SUSD5: variants seen among roughly 807,000 people sequenced by gnomAD.
The protein encoded by SUSD5 is sushi domain containing 5, also known as sushi domain-containing protein 5.
A neutral mutation model predicts 29.5 loss-of-function variants in SUSD5; 33 were observed. That is an observed-to-expected ratio of 1.12 (90% CI 0.85 to 1.49). SUSD5 has a LOEUF of 1.49. Among genes scored for constraint, SUSD5 ranks in the 40% most tolerant of loss-of-function variants. SUSD5 has a pLI of 0.00. For synonymous variants in SUSD5, 308 were observed against 325.3 expected (o/e 0.95, Z 0.57); for missense variants, 776 against 800.6 (o/e 0.97, Z 0.37).
At chr3:33,194,659 A>G (rs141968371) in intron 3 of SUSD5, among the ~76,000 whole-genome samples, 8 of 152,270 alleles carry the variant, frequency 5.3e-5, no homozygotes, top group Non-Finnish European at 1.0e-4. Context: ...AGCCTTGGTG[A>G]CAGTAGTTCC....
intron 3 of SUSD5, among the ~76,000 whole-genome samples, chr3:33,206,447 GTGTGTA>G (rs758388796): frequency 2.5e-4 from 33 of 129,780 alleles, no homozygotes; most frequent in Middle Eastern, 3.9e-3. Flanking sequence ...GTGTGTGTGT[GTGTGTA>G]TGTGTTTTAA....
At chr3:33,182,369 T>C (rs1386969659) in intron 3 of SUSD5, among the ~76,000 whole-genome samples, 2 of 152,232 alleles carry the variant, frequency 1.3e-5, no homozygotes, top group African/African-American at 2.4e-5. Flanking sequence ...AAATGTTCCA[T>C]GTGAGCCTGA....
intron 3 of SUSD5, chr3:33,190,176 A>G (rs2031863037): frequency 6.5e-6 from 1 of 153,660 alleles, no homozygotes; most frequent in Non-Finnish European, 1.5e-5. Flanking sequence ...TATGGTACAC[A>G]TAAAAAAGTC....
In SUSD5 at chr3:33,163,814, A is replaced by G. The variant is rs556395897; in HGVS notation, c.599-9781T>C. Among the ~76,000 whole-genome samples the G allele has an allele frequency of 1.4e-3, 212 of 152,306 alleles. 1 individual carries two copies. The highest frequency in any genetic ancestry group is 4.8e-3 in the African/African-American group (201 of 41,572). ...AGATCGAGACCATCCTGGCTAACAC[A>G]GTGAAGCCCCATCTGTACTAAACAA... On this transcript the variant is annotated intron_variant, in intron 4 of 4. Transcript: ENST00000309558.
chr3:33,166,183 C>G (rs909012027), intron 4 of SUSD5, among the ~76,000 whole-genome samples: 6 of 152,190 alleles, frequency 3.9e-5, no homozygotes, highest in African/African-American at 1.4e-4. Flanking sequence ...GTGGCTAATA[C>G]AAGTACTTCT....
intron 4 of SUSD5, among the ~76,000 whole-genome samples, chr3:33,168,304 A>C (rs2031348937): frequency 6.6e-6 from 1 of 152,234 alleles, no homozygotes; most frequent in African/African-American, 2.4e-5. Flanking sequence ...TAAAAAAGAC[A>C]ACCAGACAAG....
intron 1 of SUSD5, 69 bp downstream of exon 1, chr3:33,218,617 G>A (rs976125633): frequency 1.1e-5 from 14 of 1,218,478 alleles, no homozygotes; most frequent in Middle Eastern, 6.2e-4. Flanking sequence ...GAGCAGCCCC[G>A]GCGAGCTACG....
At chr3:33,160,633 A>G (rs1228092563) in intron 4 of SUSD5, among the ~76,000 whole-genome samples, 1 of 152,210 alleles carries the variant, frequency 6.6e-6, no homozygotes, top group African/African-American at 2.4e-5. Flanking sequence ...AAGTGAGTGC[A>G]ATAAAACAAA....
chr3:33,216,638 A>T (rs1476230894), intron 1 of SUSD5, among the ~76,000 whole-genome samples: 1 of 152,202 alleles, frequency 6.6e-6, no homozygotes, highest in Admixed American at 6.5e-5. Flanking sequence ...CTGCCCACGC[A>T]CATGATTTCA....
At position 33,194,143 on chromosome 3, in the gene SUSD5, G is replaced by A. The variant is rs1026964463; in HGVS notation, c.409+13665C>T. ...ATCTGGTCTTGTGGCACCAACCCAG[G>A]AACTGACAGAGCAAGAGGACAGCTT... On this transcript the variant is annotated intron_variant, in intron 3 of 4. Coordinates refer to ENST00000309558, the MANE Select transcript of SUSD5 (RefSeq NM_015551.2). Among the ~76,000 whole-genome samples the A allele has an allele frequency of 2.6e-5, 4 of 152,164 alleles. No individual in the cohort carries two copies. In the East Asian group the frequency reaches 7.7e-4, roughly 29 times the overall value.
At position 33,160,614 on chromosome 3, in the gene SUSD5, TTAA is replaced by T. The variant is rs371560367; in HGVS notation, c.599-6584_599-6582del. Reference sequence around the variant, plus strand: ...AAAGGACTGTTTCACAACACAAAACTTAATAAGAAAGTGAGTGCAATAAAACAA... The same window carrying T: ...AAAGGACTGTTTCACAACACAAAACTTAAGAAAGTGAGTGCAATAAAACAA... On this transcript the variant is annotated intron_variant, in intron 4 of 4. Coordinates refer to ENST00000309558, the MANE Select transcript of SUSD5 (RefSeq NM_015551.2). Among the ~76,000 whole-genome samples the T allele has an allele frequency of 2.1e-4, 32 of 152,120 alleles. No individual in the cohort carries two copies. In the South Asian group the frequency reaches 4.4e-3, roughly 21 times the overall value.
chr3:33,152,494 A>G lies in SUSD5; in HGVS notation c.*248T>C. 1 of 471,054 alleles carries G rather than the reference A, an allele frequency of 2.1e-6. No individual in the cohort carries two copies. 29.2% of individuals were successfully genotyped at this position (471,054 alleles called of 1,614,324 possible). On this transcript the variant is annotated 3_prime_UTR_variant, in exon 5 of 5. Transcript: ENST00000309558. ...CACACTGGAAACAGGGCCCAAGCAC[A>G]GGTCTGGGATTAGTGTAGTCAATTC...
At chr3:33,168,912 AGT>A in intron 4 of SUSD5, among the ~76,000 whole-genome samples, 1 of 152,334 alleles carries the variant, frequency 6.6e-6, no homozygotes, top group Admixed American at 6.5e-5. Flanking sequence ...GGCCTCCCAA[AGT>A]GCTGGGATTA....
rs752181695 is a variant in SUSD5 at position 33,152,851 on chromosome 3, AT to A, written c.1780del (p.Met594TrpfsTer17). The part of the protein sequence containing the change: ...CLLLLLAGVG[M>X]VWGYRKCQHK... Reference sequence around the variant, plus strand: ...CTGGCACTTGCGGTAGCCCCACACCATCCCCACACCTGCCAGGAGCAGCAGT... The same window carrying A: ...CTGGCACTTGCGGTAGCCCCACACCACCCCACACCTGCCAGGAGCAGCAGT... On this transcript the variant is annotated frameshift_variant, in exon 5 of 5. Transcript: ENST00000309558. LOFTEE classifies it high-confidence loss of function. 1 of 1,613,948 alleles carries A rather than the reference AT, an allele frequency of 6.2e-7. No individual in the cohort carries two copies. Among genetic ancestry groups the A allele is most frequent in the South Asian group, 1.1e-5 (1 of 91,074 alleles).
At chr3:33,172,526 A>G (rs2031458383) in intron 4 of SUSD5, among the ~76,000 whole-genome samples, 1 of 152,202 alleles carries the variant, frequency 6.6e-6, no homozygotes, top group Non-Finnish European at 1.5e-5. Context: ...AAGGCGACAT[A>G]TTGGACCAAC....
chr3:33,218,757 C>G lies in SUSD5; in HGVS notation c.41G>C (p.Arg14Thr). ...EGPSPPARWH[R>T]RLPGLWAAAL... ...CGCCGCCCAGAGCCCGGGGAGGCGT[C>G]TGTGCCAACGGGCAGGCGGGCTGGG... is the stretch of plus-strand genomic sequence containing the variant. The change falls in exon 1 of 5, where the codon AGA (arginine) becomes ACA (threonine). Residue 14 changes from arginine (R) to threonine (T), a missense_variant. Physicochemically the swap from Arg to Thr is moderately conservative, Grantham distance 71. Coordinates refer to ENST00000309558, the MANE Select transcript of SUSD5 (RefSeq NM_015551.2). 1 of 1,411,996 alleles carries G rather than the reference C, an allele frequency of 7.1e-7. No homozygotes were observed. Among genetic ancestry groups the G allele is most frequent in the Non-Finnish European group, 9.2e-7 (1 of 1,090,414 alleles). 87.5% of individuals were successfully genotyped at this position (1,411,996 alleles called of 1,614,324 possible).
chr3:33,178,761 G>C (rs2031607474), intron 3 of SUSD5, among the ~76,000 whole-genome samples: 1 of 152,152 alleles, frequency 6.6e-6, no homozygotes, highest in African/African-American at 2.4e-5. Flanking sequence ...TTTTTGTAAT[G>C]TCTTTGTTTG....
chr3:33,217,908 T>C (rs531076834), intron 1 of SUSD5, among the ~76,000 whole-genome samples: 1 of 152,318 alleles, frequency 6.6e-6, no homozygotes, highest in East Asian at 1.9e-4. Context: ...CGGGATTTTG[T>C]TCTAATATGA....
chr3:33,174,240 G>A (rs2031495696), intron 4 of SUSD5, among the ~76,000 whole-genome samples: 1 of 152,130 alleles, frequency 6.6e-6, no homozygotes, highest in East Asian at 1.9e-4. Context: ...CCATACAGCC[G>A]TCCTGGAGTT....
Sources: allele counts gnomAD v4.1 joint callset (sites outside exome capture counted in the v4.1 genomes callset), GRCh38; gene constraint gnomAD v4.1.1; transcripts MANE v1.5; gene names NCBI Gene and HGNC (gene_info 2026-07-23, HGNC 2026-07-21).